PKD1: variants seen among roughly 807,000 people sequenced by gnomAD.
PKD1 encodes the protein polycystin 1, transient receptor potential channel interacting, also known as polycystin-1.
Under a neutral mutation model 361.7 loss-of-function variants are expected in PKD1, and 81 were observed. That is an observed-to-expected ratio of 0.22 (90% CI 0.19 to 0.27). The LOEUF is 0.27. PKD1 is among the 10% of genes least tolerant of loss of function. PKD1 has a pLI of 1.00. For missense variants in PKD1, 6,399 were observed against 6,118.3 expected (o/e 1.05, Z -1.53); for synonymous variants, 3,615 against 2,818.3 (o/e 1.28, Z -8.95).
In PKD1 at chr16:2,111,737, C is replaced by T. The variant is rs140991712; in HGVS notation, c.3430G>A (p.Val1144Ile). ...SDGVLVAGRP[V>I]TFYPHPLPSP... ...GGCAGCGGGTGCGGGTAGAAGGTGA[C>T]GGGCCGGCCGGCCACCAGGACGCCG... is the stretch of plus-strand genomic sequence containing the variant. The change falls in exon 15 of 46, where the codon GTC (valine) becomes ATC (isoleucine). Residue 1144 changes from valine to isoleucine, a missense_variant. Coordinates refer to ENST00000262304, the MANE Select transcript of PKD1 (RefSeq NM_001009944.3). 5.7e-4 allele frequency: 903 copies of T among 1,597,590 alleles called. 3 individuals are homozygous for T. Among genetic ancestry groups the T allele is most frequent in the Admixed American group, 1.3e-3 (73 of 57,778 alleles).
chr16:2,120,567 T>C (rs1236702845), intron 1 of PKD1, among the ~76,000 whole-genome samples: 1 of 152,110 alleles, frequency 6.6e-6, no homozygotes, highest in Admixed American at 6.5e-5. Context: ...CCAGGCATGG[T>C]AGTGTGTAAC....
Position 2,091,561 on chromosome 16 carries a change from G to T in PKD1, c.11574C>A (p.Ser3858Arg). The T allele has an allele frequency of 6.5e-7, 1 of 1,542,820 alleles. No individual in the cohort carries two copies. Among genetic ancestry groups the T allele is most frequent in the Non-Finnish European group, 8.7e-7 (1 of 1,155,172 alleles). Residue 3858 changes from serine to arginine, a missense_variant, in exon 42 of 46, where the codon AGC (serine) becomes AGA (arginine). Coordinates refer to ENST00000262304, the MANE Select transcript of PKD1 (RefSeq NM_001009944.3). ...CGGCGGCGTGCAGCCCCACGGCCGG[G>T]CTGTAGCGCGTGAGCTCCAGGAACA... ...RAVFLELTRY[S>R]PAVGLHAAVT... is the part of the protein sequence containing the mutation.
At position 2,117,528 on chromosome 16, in the gene PKD1, C is replaced by G; in HGVS notation, c.1346G>C (p.Ser449Thr). 6.3e-7 allele frequency: 1 copy of G among 1,591,898 alleles called. No homozygotes were observed. Among genetic ancestry groups the G allele is most frequent in the Non-Finnish European group, 8.5e-7 (1 of 1,170,378 alleles). The change falls in exon 6 of 46, where the codon AGT (serine) becomes ACT (threonine). Residue 449 changes from serine to threonine, a missense_variant. Transcript: ENST00000262304. ...WAGAALAMVD[S>T]PAVQRFLVSR... ...GACCAGGAAGCGCTGCACGGCGGGA[C>G]TGTCCACCATTGCCAGGGCGGCCCC...
chr16:2,092,981 T>C lies in PKD1; in HGVS notation c.11129A>G (p.His3710Arg). Reference sequence around the variant, plus strand: ...CGTGATGGCCAGGAAGGCCCGGCTGTGCAGCTCCTGCTTGATGGCGCTTTG... The same window carrying C: ...CGTGATGGCCAGGAAGGCCCGGCTGCGCAGCTCCTGCTTGATGGCGCTTTG... The part of the protein sequence containing the change: ...RLQSAIKQEL[H>R]SRAFLAITRS... The change falls in exon 38 of 46, where the codon CAC becomes CGC. Residue 3710 changes from histidine (H) to arginine (R), a missense_variant. Coordinates refer to ENST00000262304, the MANE Select transcript of PKD1 (RefSeq NM_001009944.3). 6.2e-7 allele frequency: 1 copy of C among 1,612,948 alleles called. No individual in the cohort carries two copies. The highest frequency in any genetic ancestry group is 8.5e-7 in the Non-Finnish European group (1 of 1,180,004).
chr16:2,124,148 G>A (rs911312154), intron 1 of PKD1, among the ~76,000 whole-genome samples: 4 of 152,210 alleles, frequency 2.6e-5, no homozygotes, highest in African/African-American at 9.6e-5. Flanking sequence ...CAACAGCAGA[G>A]GGTGTGGCCA....
rs1412197969 is a variant in PKD1 at position 2,089,488 on chromosome 16, G to A, written c.*239C>T. On this transcript the variant is annotated 3_prime_UTR_variant, in exon 46 of 46. Transcript: ENST00000262304. ...AAATAAATTAGCATCTCAGAGGCTAGAAACCGTCCAATACTGCTGTGTCCT... is the reference window on the plus strand; with the variant it reads ...AAATAAATTAGCATCTCAGAGGCTAAAAACCGTCCAATACTGCTGTGTCCT... The A allele has an allele frequency of 6.9e-6, 4 of 580,174 alleles. No homozygotes were observed. The highest frequency in any genetic ancestry group is 5.7e-5 in the East Asian group (2 of 34,914). 35.9% of individuals were successfully genotyped at this position (580,174 alleles called of 1,614,324 possible).
intron 1 of PKD1, among the ~76,000 whole-genome samples, chr16:2,126,674 C>G (rs1328489911): frequency 2.6e-5 from 4 of 152,272 alleles, no homozygotes; most frequent in African/African-American, 7.2e-5. Context: ...CAGGCCCAGA[C>G]AGCAGCGGGA....
In PKD1 at chr16:2,105,961, G is replaced by T; in HGVS notation, c.7767C>A (p.His2589Gln). The change falls in exon 20 of 46, where the codon CAC becomes CAA. Residue 2589 changes from histidine (H) to glutamine (Q), a missense_variant. His to Gln is a conservative substitution (Grantham distance 24). Coordinates refer to ENST00000262304, the MANE Select transcript of PKD1 (RefSeq NM_001009944.3). ...CTGGGAGCACACTAGCGGTGAGCCC[G>T]TGCAGCCAGACTGTGAGCCCCGTTG... ...GSATGLTVWL[H>Q]GLTASVLPGL... 6.2e-7 allele frequency: 1 copy of T among 1,600,216 alleles called. No individual in the cohort carries two copies. The highest frequency in any genetic ancestry group is 8.5e-7 in the Non-Finnish European group (1 of 1,179,540).
At position 2,090,597 on chromosome 16, in the gene PKD1, G is replaced by T; in HGVS notation, c.12139-7C>A. ...CCACACAGGAAGACACGAGCTGCGG[G>T]GAAGGCGACACCAGTGAGGGCGTAC... On this transcript the variant is annotated splice_region_variant and splice_polypyrimidine_tract_variant and intron_variant, in intron 44 of 45. Coordinates refer to ENST00000262304, the MANE Select transcript of PKD1 (RefSeq NM_001009944.3). The T allele has an allele frequency of 5.0e-6, 8 of 1,608,464 alleles. No homozygotes were observed. Among genetic ancestry groups the T allele is most frequent in the Non-Finnish European group, 6.8e-6 (8 of 1,179,738 alleles).
chr16:2,113,741 A>T, intron 11 of PKD1: 1 of 358,128 alleles, frequency 2.8e-6, no homozygotes, highest in Non-Finnish European at 5.3e-6. Flanking sequence ...AGAGGCAGGT[A>T]CCCGCAAGAT....
rs1484597819 is a variant in PKD1, at chr16:2,106,046, G to A, written c.7704-22C>T. The A allele has an allele frequency of 5.6e-6, 9 of 1,607,054 alleles. No individual in the cohort carries two copies. Among genetic ancestry groups the A allele is most frequent in the Non-Finnish European group, 6.8e-6 (8 of 1,178,642 alleles). On this transcript the variant is annotated intron_variant, in intron 19 of 45. Transcript: ENST00000262304. The surrounding 1 kb of genome is among the most constrained non-coding windows in gnomAD (Gnocchi z 6.5). Reference sequence around the variant, plus strand: ...AGACCTACGAGCAGAGGGGGGTGGTGAGCAGGTGGCAGTCTCGGGGGCGCC... The same window carrying A: ...AGACCTACGAGCAGAGGGGGGTGGTAAGCAGGTGGCAGTCTCGGGGGCGCC...
chr16:2,113,074 A>G, intron 12 of PKD1, 87 bp downstream of exon 12: 1 of 1,235,938 alleles, frequency 8.1e-7, no homozygotes, highest in Non-Finnish European at 1.2e-6. Context: ...GGCAGCATGA[A>G]GCAGAGCAGA....
In PKD1 at chr16:2,103,255, G is replaced by A. The variant is rs764323671; in HGVS notation, c.8791+11C>T. 15 of 1,609,094 alleles carry A rather than the reference G, an allele frequency of 9.3e-6. No homozygotes were observed. Among genetic ancestry groups the A allele is most frequent in the East Asian group, 8.9e-5 (4 of 44,874 alleles). ...CCAGGGGGCCGCGTGTGCCCCACCC[G>A]CTGCACGCACCGTCCAGCAGCGTAT... On this transcript the variant is annotated intron_variant, in intron 23 of 45. Coordinates refer to ENST00000262304, the MANE Select transcript of PKD1 (RefSeq NM_001009944.3).
chr16:2,104,290 GGAGA>G (rs1324165904), intron 22 of PKD1, among the ~76,000 whole-genome samples: 3 of 73,230 alleles, frequency 4.1e-5, no homozygotes, highest in Non-Finnish European at 8.4e-5. Flanking sequence ...GGAGAAAAGG[GGAGA>G]GAGATGGAGA....
chr16:2,100,320 G>A lies in PKD1; in HGVS notation c.9569-11C>T, dbSNP rs188641836. ...AGGCAGGGCTGAGCCCTGCAGAGGC[G>A]CAGGAGGGAGGTCAGGCTCGCAGGG... On this transcript the variant is annotated splice_polypyrimidine_tract_variant and intron_variant, in intron 27 of 45. Coordinates refer to ENST00000262304, the MANE Select transcript of PKD1 (RefSeq NM_001009944.3). The surrounding 1 kb of genome is among the most constrained non-coding windows in gnomAD (Gnocchi z 4.4). 1.6e-4 allele frequency: 258 copies of A among 1,610,004 alleles called. 3 individuals are homozygous for A. In the African/African-American group the frequency reaches 2.2e-3, roughly 14 times the overall value.
At chr16:2,126,586 G>C (rs942257710) in intron 1 of PKD1, among the ~76,000 whole-genome samples, 1 of 152,292 alleles carries the variant, frequency 6.6e-6, no homozygotes, top group South Asian at 2.1e-4. Context: ...TCTGCAGGGA[G>C]ACTGTGGCGC....
chr16:2,091,562 C>G lies in PKD1; in HGVS notation c.11573G>C (p.Ser3858Thr). The G allele has an allele frequency of 6.5e-7, 1 of 1,543,282 alleles. No homozygotes were observed. ...RAVFLELTRY[S>T]PAVGLHAAVT... is the part of the protein sequence containing the mutation. ...GGCGGCGTGCAGCCCCACGGCCGGG[C>G]TGTAGCGCGTGAGCTCCAGGAACAC... Residue 3858 changes from serine (S) to threonine (T), a missense_variant, in exon 42 of 46, where the codon AGC becomes ACC. Coordinates refer to ENST00000262304, the MANE Select transcript of PKD1 (RefSeq NM_001009944.3).
rs902604389 is a variant in PKD1, at chr16:2,088,840, A to T, written c.*887T>A. On this transcript the variant is annotated 3_prime_UTR_variant, in exon 46 of 46. Transcript: ENST00000262304. The stretch of plus-strand genomic sequence containing the variant: ...GGCACAGCCAGCTCCGAGGGCCTTG[A>T]GGCTGCCTGGGCCATACAGCACACT... 3.0e-5 allele frequency: 18 copies of T among 599,342 alleles called. No homozygotes were observed. Among genetic ancestry groups the T allele is most frequent in the African/African-American group, 2.6e-4 (14 of 53,344 alleles). 37.1% of individuals were successfully genotyped at this position (599,342 alleles called of 1,614,324 possible).
rs1489116792 is a variant in PKD1, at chr16:2,117,686, G to T, written c.1202-14C>A. On this transcript the variant is annotated splice_polypyrimidine_tract_variant and intron_variant, in intron 5 of 45. Transcript: ENST00000262304. Reference sequence around the variant, plus strand: ...GCGGGTGCACCGCTGGAGACCGGTGGGAACGAGGGTGTCAACGGTCAGTGT... The same window carrying T: ...GCGGGTGCACCGCTGGAGACCGGTGTGAACGAGGGTGTCAACGGTCAGTGT... The T allele has an allele frequency of 3.7e-6, 6 of 1,600,034 alleles. No individual in the cohort carries two copies. The highest frequency in any genetic ancestry group is 5.1e-6 in the Non-Finnish European group (6 of 1,170,682).
Sources: allele counts gnomAD v4.1 joint callset (sites outside exome capture counted in the v4.1 genomes callset), GRCh38; gene constraint gnomAD v4.1.1; non-coding constraint Gnocchi (gnomAD v3.1); transcripts MANE v1.5; gene names NCBI Gene and HGNC (gene_info 2026-07-23, HGNC 2026-07-21).